Variants in SEMA3E observed in about 807,000 individuals in gnomAD.
The protein encoded by SEMA3E is semaphorin-3E.
In SEMA3E, 49 loss-of-function variants were observed where a neutral mutation model predicts 93.6. The observed-to-expected ratio is 0.52, with a 90% confidence interval of 0.42 to 0.66. The LOEUF is 0.66. SEMA3E is among the 30% of genes least tolerant of loss of function. SEMA3E has a pLI of 0.00. For synonymous variants in SEMA3E, 363 were observed against 330.7 expected (o/e 1.10, Z -1.06); for missense variants, 906 against 964.8 (o/e 0.94, Z 0.81).
intron 14 of SEMA3E, among the ~76,000 whole-genome samples, chr7:83,389,275 C>T (rs1787944203): frequency 6.6e-6 from 1 of 151,904 alleles, no homozygotes; most frequent in Admixed American, 6.6e-5. Flanking sequence ...TTGAGTATTG[C>T]TTCTATATTG....
chr7:83,530,892 T>A (rs1045471225), intron 1 of SEMA3E, among the ~76,000 whole-genome samples: 3 of 151,892 alleles, frequency 2.0e-5, no homozygotes, highest in African/African-American at 7.3e-5. Context: ...AAAAAAAAAA[T>A]TCAAGGTTCT....
intron 11 of SEMA3E, among the ~76,000 whole-genome samples, chr7:83,397,045 C>A (rs1358299296): frequency 6.7e-6 from 1 of 149,092 alleles, no homozygotes; most frequent in Admixed American, 6.7e-5. Context: ...CATGACACTG[C>A]ACTACAGCCT....
At chr7:83,392,190 C>G (rs879393997) in intron 14 of SEMA3E, among the ~76,000 whole-genome samples, 20 of 152,062 alleles carry the variant, frequency 1.3e-4, no homozygotes, top group Admixed American at 1.1e-3. Context: ...TATTCACTTT[C>G]AAAATGAAAT....
At chr7:83,381,934 T>G (rs778255775) in intron 16 of SEMA3E, among the ~76,000 whole-genome samples, 16 of 152,000 alleles carry the variant, frequency 1.1e-4, no homozygotes, top group African/African-American at 3.9e-4. Context: ...GTTCAAATTA[T>G]GGGCAGGTTC....
At chr7:83,471,494 C>T (rs972225146) in intron 2 of SEMA3E, among the ~76,000 whole-genome samples, 1 of 151,918 alleles carries the variant, frequency 6.6e-6, no homozygotes, top group Non-Finnish European at 1.5e-5. Flanking sequence ...AATGCCAGAA[C>T]ATATTCCAAC....
chr7:83,617,252 T>C (rs1793389260), intron 1 of SEMA3E, among the ~76,000 whole-genome samples: 1 of 151,270 alleles, frequency 6.6e-6, no homozygotes, highest in Non-Finnish European at 1.5e-5. Flanking sequence ...TATATAATCC[T>C]CCTCTGAGAA....
At chr7:83,644,917 C>G (rs898429486) in intron 1 of SEMA3E, among the ~76,000 whole-genome samples, 8 of 151,966 alleles carry the variant, frequency 5.3e-5, no homozygotes, top group African/African-American at 1.9e-4. Context: ...ACATTTTATG[C>G]TTAAGCAGCA....
chr7:83,488,766 C>T (rs969915525), intron 2 of SEMA3E, among the ~76,000 whole-genome samples: 1 of 151,958 alleles, frequency 6.6e-6, no homozygotes, highest in South Asian at 2.1e-4. Flanking sequence ...TAAGCTCCAG[C>T]CAGACAAGTG....
At chr7:83,484,111 C>A (rs1425830824) in intron 2 of SEMA3E, among the ~76,000 whole-genome samples, 1 of 152,148 alleles carries the variant, frequency 6.6e-6, no homozygotes, top group African/African-American at 2.4e-5. Context: ...TACCTTCTTG[C>A]TCTGGTTAAA....
chr7:83,417,804 C>G (rs935014432), intron 5 of SEMA3E, among the ~76,000 whole-genome samples: 1 of 152,016 alleles, frequency 6.6e-6, no homozygotes, highest in Non-Finnish European at 1.5e-5. Context: ...TAAATTAAAT[C>G]GAATTGAACT....
chr7:83,608,299 A>C (rs1793170413), intron 1 of SEMA3E, among the ~76,000 whole-genome samples: 1 of 152,114 alleles, frequency 6.6e-6, no homozygotes, highest in South Asian at 2.1e-4. Context: ...AGAATAGATA[A>C]GAGATTATTG....
At chr7:83,588,255 AC>A (rs1275181266) in intron 1 of SEMA3E, among the ~76,000 whole-genome samples, 5 of 151,940 alleles carry the variant, frequency 3.3e-5, no homozygotes, top group Admixed American at 2.6e-4. Flanking sequence ...GGTGGCGGGC[AC>A]CTGTAATCCC....
At chr7:83,417,440 G>A (rs1414588042) in intron 5 of SEMA3E, among the ~76,000 whole-genome samples, 2 of 152,114 alleles carry the variant, frequency 1.3e-5, no homozygotes, top group African/African-American at 2.4e-5. Context: ...AGTTTTAATC[G>A]TTTATTTAGA....
At chr7:83,485,257 A>G (rs1030468605) in intron 2 of SEMA3E, among the ~76,000 whole-genome samples, 9 of 152,376 alleles carry the variant, frequency 5.9e-5, no homozygotes, top group African/African-American at 1.9e-4. Flanking sequence ...TACAGAGTAA[A>G]TAATAGCTTA....
intron 1 of SEMA3E, among the ~76,000 whole-genome samples, chr7:83,639,343 G>C (rs1793952307): frequency 6.6e-6 from 1 of 151,852 alleles, no homozygotes; most frequent in Non-Finnish European, 1.5e-5. Context: ...ATTCAATCAA[G>C]ACTTCCTGCA....
chr7:83,451,612 C>CA (rs1216914691), intron 4 of SEMA3E, among the ~76,000 whole-genome samples: 8 of 152,090 alleles, frequency 5.3e-5, no homozygotes, highest in Non-Finnish European at 8.8e-5. Flanking sequence ...GGCAAACTGG[C>CA]AAAAAGCCTG....
intron 1 of SEMA3E, among the ~76,000 whole-genome samples, chr7:83,592,132 C>T (rs1792767979): frequency 6.6e-6 from 1 of 151,812 alleles, no homozygotes; most frequent in Non-Finnish European, 1.5e-5. Context: ...AAATTCTTTA[C>T]CATAAGCTTT....
chr7:83,518,942 T>C (rs1790988679), intron 1 of SEMA3E, among the ~76,000 whole-genome samples: 1 of 152,128 alleles, frequency 6.6e-6, no homozygotes, highest in South Asian at 2.1e-4. Flanking sequence ...TTTTTACTTG[T>C]ATAATCATTA....
chr7:83,538,402 T>C (rs1178947964), intron 1 of SEMA3E, among the ~76,000 whole-genome samples: 1 of 152,162 alleles, frequency 6.6e-6, no homozygotes, highest in Non-Finnish European at 1.5e-5. Flanking sequence ...GTGTATCTTA[T>C]TATAGTTTTG....
Sources: allele counts gnomAD v4.1 joint callset (sites outside exome capture counted in the v4.1 genomes callset), GRCh38; gene constraint gnomAD v4.1.1; transcripts MANE v1.5; gene names NCBI Gene and HGNC (gene_info 2026-07-23, HGNC 2026-07-21).